The following IRAK1BP1 variants were observed in gnomAD, a reference collection of about 807,000 sequenced individuals.
The protein encoded by IRAK1BP1 is interleukin 1 receptor associated kinase 1 binding protein 1.
A neutral mutation model predicts 28.0 loss-of-function variants in IRAK1BP1; 24 were observed. That is an observed-to-expected ratio of 0.86 (90% CI 0.62 to 1.20). The LOEUF is 1.20. IRAK1BP1 is among the 50% of genes most tolerant of loss of function. The probability of loss-of-function intolerance (pLI) is 0.00; values close to 1 mark genes in which losing one functional copy is unlikely to be tolerated. For missense variants in IRAK1BP1, 336 were observed against 316.7 expected (o/e 1.06, Z -0.46); for synonymous variants, 131 against 116.3 (o/e 1.13, Z -0.81).
At chr6:78,934,187 T>C (rs925438513) in intron 4 of IRAK1BP1, among the ~76,000 whole-genome samples, 4 of 152,210 alleles carry the variant, frequency 2.6e-5, no homozygotes, top group Non-Finnish European at 4.4e-5. Flanking sequence ...AACTATCTTA[T>C]ATGGGTGTGG....
Position 78,899,796 on chromosome 6 carries a change from T to G in IRAK1BP1, c.*1462T>G, listed in dbSNP as rs893034317. ...TTAAAAAAGAAACAGTTGAAACTAA[T>G]TTTAATAACATTTTATTTAACCAAA... On this transcript the variant is annotated 3_prime_UTR_variant, in exon 4 of 4. Coordinates refer to ENST00000369940, the MANE Select transcript of IRAK1BP1 (RefSeq NM_001010844.4). 8 of 152,236 alleles carry G rather than the reference T, an allele frequency of 5.3e-5. No homozygotes were observed. The highest frequency in any genetic ancestry group is 1.2e-4 in the Non-Finnish European group (8 of 68,048). 9.4% of individuals were successfully genotyped at this position (152,236 alleles called of 1,614,324 possible).
chr6:78,945,283 T>G, intron 4 of IRAK1BP1: 1 of 1,546,346 alleles, frequency 6.5e-7, no homozygotes, highest in Non-Finnish European at 8.9e-7. Flanking sequence ...TCTTGAAAGA[T>G]ACAAGTAATA....
chr6:78,881,707 G>A (rs1771235790), intron 1 of IRAK1BP1, among the ~76,000 whole-genome samples: 1 of 152,106 alleles, frequency 6.6e-6, no homozygotes, highest in Non-Finnish European at 1.5e-5. Context: ...GAAGAATAAA[G>A]ATACAAAAAC....
At chr6:78,905,374 C>G (rs1307125479), downstream of IRAK1BP1, among the ~76,000 whole-genome samples, 2 of 152,152 alleles carry the variant, frequency 1.3e-5, no homozygotes, top group Non-Finnish European at 2.9e-5. Context: ...CTCAGTTGAT[C>G]ACTGTAGCCC....
the IRAK1BP1 span, chr6:78,958,326 G>C: frequency 1.5e-5 from 8 of 527,918 alleles, no homozygotes; most frequent in Non-Finnish European, 2.4e-5. Flanking sequence ...GAGACCTTTA[G>C]ATCTTCAGTC....
chr6:78,879,289 T>A (rs1449378655), intron 1 of IRAK1BP1, among the ~76,000 whole-genome samples: 2 of 152,122 alleles, frequency 1.3e-5, no homozygotes, highest in African/African-American at 2.4e-5. Flanking sequence ...AAATGGCACA[T>A]GTATACGTAT....
chr6:78,888,868 A>G (rs1771523319), intron 2 of IRAK1BP1, among the ~76,000 whole-genome samples: 1 of 152,094 alleles, frequency 6.6e-6, no homozygotes, highest in Admixed American at 6.5e-5. Context: ...CTCTAATCCC[A>G]GCACTTTGGG....
At chr6:78,883,462 A>G (rs1771303278) in intron 1 of IRAK1BP1, among the ~76,000 whole-genome samples, 1 of 152,120 alleles carries the variant, frequency 6.6e-6, no homozygotes, top group Non-Finnish European at 1.5e-5. Context: ...TTTTATTTTA[A>G]AAACACTATT....
the IRAK1BP1 span, among the ~76,000 whole-genome samples, chr6:78,959,074 A>C: frequency 6.6e-5 from 10 of 152,180 alleles, no homozygotes; most frequent in Non-Finnish European, 1.5e-4. Context: ...CTTATGAGAT[A>C]CAAAATCATA....
chr6:78,913,006 T>TA (rs1772467554), intron 4 of IRAK1BP1, among the ~76,000 whole-genome samples: 1 of 152,174 alleles, frequency 6.6e-6, no homozygotes, highest in African/African-American at 2.4e-5. Context: ...TGTCATGGTC[T>TA]AAAATGGACT....
chr6:78,889,133 A>G (rs1771537317), intron 2 of IRAK1BP1, among the ~76,000 whole-genome samples: 2 of 137,378 alleles, frequency 1.5e-5, no homozygotes, highest in Admixed American at 1.5e-4. Flanking sequence ...AAAAAAAAAA[A>G]AGAAAGAAAG....
intron 1 of IRAK1BP1, among the ~76,000 whole-genome samples, chr6:78,870,268 G>GAAAAT (rs1770751532): frequency 6.7e-6 from 1 of 148,312 alleles, no homozygotes; most frequent in African/African-American, 2.5e-5. Flanking sequence ...GAAAAGAAAA[G>GAAAAT]AATCAGCCCA....
chr6:78,870,425 C>T (rs1400189682), intron 1 of IRAK1BP1, among the ~76,000 whole-genome samples: 2 of 152,116 alleles, frequency 1.3e-5, no homozygotes, highest in Non-Finnish European at 1.5e-5. Flanking sequence ...TTCTCCAGAG[C>T]CAAGACCATT....
In IRAK1BP1 at chr6:78,902,324, T is replaced by TA. The variant is rs1772130051; in HGVS notation, c.*3992dup. On this transcript the variant is annotated 3_prime_UTR_variant, in exon 4 of 4. Coordinates refer to ENST00000369940, the MANE Select transcript of IRAK1BP1 (RefSeq NM_001010844.4). ...GGCCTGGCTAATTTTTTATTAGTGA[T>TA]AAGGTCTTGCTATGTTGCCCAGGCT... 6.6e-6 allele frequency: 1 copy of TA among 152,446 alleles called. No homozygotes were observed. Among genetic ancestry groups the TA allele is most frequent in the Admixed American group, 6.5e-5 (1 of 15,280 alleles). 9.4% of individuals were successfully genotyped at this position (152,446 alleles called of 1,614,324 possible).
chr6:78,886,222 G>C (rs1030178972), intron 2 of IRAK1BP1, among the ~76,000 whole-genome samples: 1 of 152,030 alleles, frequency 6.6e-6, no homozygotes, highest in Non-Finnish European at 1.5e-5. Context: ...GACTTTAAAG[G>C]TGTGACTTTA....
intron 4 of IRAK1BP1, among the ~76,000 whole-genome samples, chr6:78,941,790 TTA>T (rs146009887): frequency 8.6e-5 from 13 of 151,710 alleles, no homozygotes; most frequent in African/African-American, 2.7e-4. Context: ...GAAATACTGA[TTA>T]TATATATATA....
At chr6:78,945,861 A>T (rs1368957844) in exon 5 of IRAK1BP1, 19 of 675,502 alleles carry the variant, frequency 2.8e-5, no homozygotes, top group African/African-American at 7.3e-5. Context: ...ACTTTTTTTT[A>T]AAATAGGAAA....
chr6:78,904,221 T>G (rs1012980857), downstream of IRAK1BP1, among the ~76,000 whole-genome samples: 1 of 152,234 alleles, frequency 6.6e-6, no homozygotes. Context: ...AAAAAGTAGT[T>G]TGTGGCTATG....
intron 4 of IRAK1BP1, among the ~76,000 whole-genome samples, chr6:78,920,223 C>A (rs1772685562): frequency 6.6e-6 from 1 of 152,094 alleles, no homozygotes; most frequent in African/African-American, 2.4e-5. Context: ...CACTGCACTC[C>A]AGCCTGGCAA....
Sources: allele counts gnomAD v4.1 joint callset (sites outside exome capture counted in the v4.1 genomes callset), GRCh38; gene constraint gnomAD v4.1.1; transcripts MANE v1.5; gene names NCBI Gene and HGNC (gene_info 2026-07-23, HGNC 2026-07-21).